PPP2R2C: variants seen among roughly 807,000 people sequenced by gnomAD.
The protein encoded by PPP2R2C is protein phosphatase 2 regulatory subunit Bgamma.
In PPP2R2C, 10 loss-of-function variants were observed where a neutral mutation model predicts 45.3. The observed-to-expected ratio is 0.22, with a 90% CI of 0.14 to 0.37. PPP2R2C has a LOEUF of 0.37. Ranked by LOEUF, PPP2R2C falls within the 10% of genes least tolerant of loss-of-function variation. PPP2R2C has a pLI of 1.00. For synonymous variants in PPP2R2C, 257 were observed against 245.4 expected (o/e 1.05, Z -0.44); for missense variants, 308 against 619.7 (o/e 0.50, Z 5.34).
Position 6,430,684 on chromosome 4 carries a change from G to C in PPP2R2C, c.70+41476C>G, listed in dbSNP as rs182861993. ...TCACACCTGTAATCCTAGCACTTTG[G>C]GGGGCCAAGGCGGGTGGATCACATG... On this transcript the variant is annotated intron_variant, in intron 1 of 8. Coordinates refer to ENST00000382599, the MANE Select transcript of PPP2R2C (RefSeq NM_020416.4). Among the ~76,000 whole-genome samples the C allele has an allele frequency of 1.4e-3, 216 of 152,264 alleles. 2 individuals are homozygous for C. Among genetic ancestry groups the C allele is most frequent in the African/African-American group, 5.0e-3 (206 of 41,548 alleles).
At chr4:6,336,015 C>T (rs1031630834) in intron 6 of PPP2R2C, among the ~76,000 whole-genome samples, 4 of 152,056 alleles carry the variant, frequency 2.6e-5, no homozygotes, top group Non-Finnish European at 4.4e-5. Context: ...GGCACTGCAC[C>T]GGGTATCCTG....
chr4:6,393,133 C>A (rs1389597330), intron 1 of PPP2R2C, among the ~76,000 whole-genome samples: 1 of 152,144 alleles, frequency 6.6e-6, no homozygotes, highest in African/African-American at 2.4e-5. Flanking sequence ...AATTCTAGAA[C>A]CATCACCACA....
chr4:6,354,678 G>C (rs10014501), intron 5 of PPP2R2C, among the ~76,000 whole-genome samples: 4,053 of 116,066 alleles, frequency 0.035, 219 homozygotes, highest in African/African-American at 0.12. Flanking sequence ...CACACTAACA[G>C]GGTGCAGAAG....
At chr4:6,505,556 T>G (rs1723198364) in intron 2 of PPP2R2C, among the ~76,000 whole-genome samples, 1 of 152,200 alleles carries the variant, frequency 6.6e-6, no homozygotes, top group Non-Finnish European at 1.5e-5. Flanking sequence ...TAATAAACTT[T>G]TCATAGTAAT....
intron 8 of PPP2R2C, among the ~76,000 whole-genome samples, chr4:6,323,937 C>G (rs1288363133): frequency 6.6e-6 from 1 of 152,050 alleles, no homozygotes; most frequent in Non-Finnish European, 1.5e-5. Context: ...GAGTAAAACT[C>G]TGTCCCAAAA....
At chr4:6,454,999 C>T (rs548833789) in intron 1 of PPP2R2C, among the ~76,000 whole-genome samples, 2 of 152,262 alleles carry the variant, frequency 1.3e-5, no homozygotes, top group South Asian at 4.2e-4. Context: ...ACAGCCCAAG[C>T]CCCATCTCCT....
chr4:6,477,730 C>CAA (rs5855918), intron 2 of PPP2R2C, among the ~76,000 whole-genome samples: 13,083 of 76,408 alleles, frequency 0.17, 1,325 homozygotes, highest in East Asian at 0.43. Context: ...GACTCCGTCT[C>CAA]AAAAAAAAAA....
At chr4:6,523,105 C>T (rs1293220374) in intron 2 of PPP2R2C, among the ~76,000 whole-genome samples, 5 of 152,216 alleles carry the variant, frequency 3.3e-5, no homozygotes, top group African/African-American at 7.2e-5. Flanking sequence ...GATCACATTC[C>T]CCAGGAGTGT....
At position 6,364,223 on chromosome 4, in the gene PPP2R2C, T is replaced by C. The variant is rs2109273266; in HGVS notation, c.625+8300A>G. ...TTTAAGAAGGTGTCCACTGAGTGGA[T>C]GAGGATGGAGAAACTTCACAGGCGG... On this transcript the variant is annotated intron_variant, in intron 5 of 8. Transcript: ENST00000382599. This position sits in a 1 kb window ranked among gnomAD's most constrained non-coding sequence, Gnocchi z 5.3. Among the ~76,000 whole-genome samples, 1 of 152,156 alleles carries C rather than the reference T, an allele frequency of 6.6e-6. No homozygotes were observed. The highest frequency in any genetic ancestry group is 6.5e-5 in the Admixed American group (1 of 15,284).
chr4:6,494,265 T>G (rs1722803464), intron 2 of PPP2R2C, among the ~76,000 whole-genome samples: 1 of 152,166 alleles, frequency 6.6e-6, no homozygotes, highest in Admixed American at 6.5e-5. Flanking sequence ...CCTGGTTCCT[T>G]ACCATAGGTC....
intron 2 of PPP2R2C, among the ~76,000 whole-genome samples, chr4:6,511,495 ATGGCGGTGATGGTGGTGG>A (rs1723480619): frequency 4.5e-5 from 1 of 22,048 alleles, no homozygotes; most frequent in East Asian, 1.5e-3. Flanking sequence ...GTTGGTGGTG[ATGGCGGTGATGGTGGTGG>A]TGGTGGTGGT....
chr4:6,539,691 G>A lies in PPP2R2C; in HGVS notation c.-58-4314C>T, dbSNP rs968834615. On this transcript the variant is annotated intron_variant, in intron 1 of 9. Transcript: ENST00000506140. ...AGTGGTCAAGGGTGGCAAGTGCGTG[G>A]GGAAATGGAAGAATCAGATCTGGGG... 3.9e-5 allele frequency among the ~76,000 whole-genome samples: 6 copies of A among 152,326 alleles called. No individual in the cohort carries two copies. In the South Asian group the frequency reaches 8.3e-4, roughly 21 times the overall value.
At chr4:6,429,204 T>C (rs1311750834) in intron 1 of PPP2R2C, among the ~76,000 whole-genome samples, 1 of 152,214 alleles carries the variant, frequency 6.6e-6, no homozygotes, top group South Asian at 2.1e-4. Context: ...CCCTGTGGTA[T>C]ACCATGTGAC....
Position 6,446,417 on chromosome 4 carries a change from G to T in PPP2R2C, c.70+25743C>A, listed in dbSNP as rs145206159. ...AACTCCACCTGCACTGCCAGGAGGG[G>T]CAGCCAGGCCACGGGGGGAACAGAC... On this transcript the variant is annotated intron_variant, in intron 1 of 8. Coordinates refer to ENST00000382599, the MANE Select transcript of PPP2R2C (RefSeq NM_020416.4). Among the ~76,000 whole-genome samples the T allele has an allele frequency of 5.2e-3, 796 of 152,218 alleles. 8 individuals are homozygous for T. Among genetic ancestry groups the T allele is most frequent in the African/African-American group, 0.018 (758 of 41,532 alleles).
chr4:6,366,697 C>G (rs1714338066), intron 5 of PPP2R2C, among the ~76,000 whole-genome samples: 2 of 152,178 alleles, frequency 1.3e-5, no homozygotes, highest in South Asian at 4.1e-4. Flanking sequence ...AGGAGTCAGC[C>G]AGGCCAAAGA....
chr4:6,432,479 A>G (rs1053779924), intron 1 of PPP2R2C, among the ~76,000 whole-genome samples: 1 of 152,048 alleles, frequency 6.6e-6, no homozygotes, highest in Non-Finnish European at 1.5e-5. Flanking sequence ...CTACTCCAGC[A>G]CCTTCAACAA....
intron 1 of PPP2R2C, among the ~76,000 whole-genome samples, chr4:6,431,525 C>T (rs536375393): frequency 6.6e-6 from 1 of 152,296 alleles, no homozygotes; most frequent in Admixed American, 6.5e-5. Context: ...CCATCCCCAG[C>T]CACGTCTGTG....
chr4:6,554,959 GAA>G (rs1317267398), intron 1 of PPP2R2C, among the ~76,000 whole-genome samples: 12 of 139,302 alleles, frequency 8.6e-5, no homozygotes, highest in South Asian at 2.4e-4. Context: ...AAGAAAGAAA[GAA>G]AGAAAGAGAA....
chr4:6,518,623 A>G (rs932974530), intron 2 of PPP2R2C, among the ~76,000 whole-genome samples: 13 of 152,366 alleles, frequency 8.5e-5, no homozygotes, highest in African/African-American at 2.9e-4. Context: ...AAATAGGCCT[A>G]TATCTATTAA....
Sources: allele counts gnomAD v4.1 joint callset (sites outside exome capture counted in the v4.1 genomes callset), GRCh38; gene constraint gnomAD v4.1.1; non-coding constraint Gnocchi (gnomAD v3.1); transcripts MANE v1.5; gene names NCBI Gene and HGNC (gene_info 2026-07-23, HGNC 2026-07-21).